Variants in CUX1 observed in about 807,000 individuals in gnomAD.
CUX1 encodes protein CASP.
CUX1 carries 31 observed loss-of-function variants against 158.8 expected under a neutral mutation model. The observed-to-expected ratio is 0.20, with a 90% CI of 0.15 to 0.26. CUX1 has a LOEUF of 0.26. CUX1 is among the 10% of genes least tolerant of loss of function. The pLI is 1.00. For missense variants in CUX1, 1,589 were observed against 2,014.6 expected (o/e 0.79, Z 4.04); for synonymous variants, 879 against 862.1 (o/e 1.02, Z -0.34).
intron 1 of CUX1, among the ~76,000 whole-genome samples, chr7:101,834,850 T>C (rs1043690437): frequency 2.6e-5 from 4 of 151,914 alleles, no homozygotes; most frequent in African/African-American, 9.7e-5. Context: ...AATACAAAAA[T>C]TAGCCAGGTG....
intron 20 of CUX1, among the ~76,000 whole-genome samples, chr7:102,206,492 T>G (rs1476051729): frequency 6.6e-6 from 1 of 152,216 alleles, no homozygotes; most frequent in African/African-American, 2.4e-5. Flanking sequence ...AAAGTTAGCC[T>G]TGACCCCCTG....
At chr7:101,865,436 C>A (rs1797846162) in intron 1 of CUX1, among the ~76,000 whole-genome samples, 1 of 152,192 alleles carries the variant, frequency 6.6e-6, no homozygotes, top group African/African-American at 2.4e-5. Context: ...TCATTTCTTT[C>A]AGCTGAAATT....
At chr7:101,956,435 T>A (rs536775456) in intron 2 of CUX1, among the ~76,000 whole-genome samples, 1 of 152,298 alleles carries the variant, frequency 6.6e-6, no homozygotes, top group African/African-American at 2.4e-5. Context: ...AAAGGATATG[T>A]AGTTCATGAC....
intron 1 of CUX1, among the ~76,000 whole-genome samples, chr7:101,867,331 G>T (rs570747022): frequency 1.3e-5 from 2 of 152,314 alleles, no homozygotes; most frequent in African/African-American, 2.4e-5. Flanking sequence ...ACACTCAAGG[G>T]TTTCGTAATG....
intron 3 of CUX1, among the ~76,000 whole-genome samples, chr7:102,051,654 C>CAAAAAAAAAA (rs1299911064): frequency 4.0e-4 from 36 of 89,700 alleles, no homozygotes; most frequent in African/African-American, 1.3e-3. Flanking sequence ...GACTCTGTCT[C>CAAAAAAAAAA]AAAAAAAAAA....
chr7:101,992,156 G>A (rs1450483036), intron 2 of CUX1, among the ~76,000 whole-genome samples: 3 of 152,200 alleles, frequency 2.0e-5, no homozygotes, highest in Non-Finnish European at 4.4e-5. Flanking sequence ...GGTAGAAAGA[G>A]GCTTGGAGGG....
At chr7:102,237,121 T>C (rs548823879) in intron 22 of CUX1, among the ~76,000 whole-genome samples, 5 of 152,348 alleles carry the variant, frequency 3.3e-5, no homozygotes, top group African/African-American at 1.2e-4. Flanking sequence ...ATCCAGCAGC[T>C]TTGACTCCGC....
chr7:102,083,290 A>T (rs1827639307), intron 4 of CUX1, among the ~76,000 whole-genome samples: 2 of 147,038 alleles, frequency 1.4e-5, no homozygotes, highest in African/African-American at 4.9e-5. Context: ...ATTTTTATTT[A>T]TAAAGGTTTC....
chr7:101,980,046 G>C (rs1813222323), intron 2 of CUX1, among the ~76,000 whole-genome samples: 1 of 152,192 alleles, frequency 6.6e-6, no homozygotes, highest in African/African-American at 2.4e-5. Context: ...AGAGTGCGGA[G>C]AGCGGGGCCC....
rs1793272686 is a variant in CUX1, at chr7:101,826,187, ATTTTTTTGTT to A, written c.30+8532_30+8541del. On this transcript the variant is annotated intron_variant, in intron 1 of 23. Coordinates refer to ENST00000292535, the MANE Select transcript of CUX1 (RefSeq NM_181552.4). Reference sequence around the variant, plus strand: ...ATCTGAGCTTCAAGCCTACTTCAGAATTTTTTTGTTTTTTTTTGTTTTTGATTTTTTGAGG... The same window carrying A: ...ATCTGAGCTTCAAGCCTACTTCAGAATTTTTTTGTTTTTGATTTTTTGAGG... Among the ~76,000 whole-genome samples, 3 of 151,610 alleles carry A rather than the reference ATTTTTTTGTT, an allele frequency of 2.0e-5. No homozygotes were observed. In the East Asian group the frequency reaches 5.8e-4, roughly 29 times the overall value.
At position 102,256,139 on chromosome 7, in the gene CUX1, G is replaced by GATA; in HGVS notation, c.*7097_*7098insATA. 1.0e-6 allele frequency: 1 copy of GATA among 985,400 alleles called. No individual in the cohort carries two copies. Among genetic ancestry groups the GATA allele is most frequent in the South Asian group, 4.7e-5 (1 of 21,284 alleles). The allele number at this position is 985,400 out of a possible 1,614,324, so 61.0% of individuals were successfully genotyped here. On this transcript the variant is annotated 3_prime_UTR_variant, in exon 24 of 24. Coordinates refer to ENST00000292535, the MANE Select transcript of CUX1 (RefSeq NM_181552.4). Reference sequence around the variant, plus strand: ...GGGCCCGCGGGCTCTGGCCGGAGCCGCTGGCCTGACGAGGCAGGATAGGGA... The same window carrying GATA: ...GGGCCCGCGGGCTCTGGCCGGAGCCGATACTGGCCTGACGAGGCAGGATAGGGA...
In CUX1 at chr7:101,916,266, A is replaced by C; in HGVS notation, c.141+41A>C. 7.8e-7 allele frequency: 1 copy of C among 1,283,978 alleles called. No individual in the cohort carries two copies. The highest frequency in any genetic ancestry group is 1.1e-6 in the Non-Finnish European group (1 of 879,870). The allele number at this position is 1,283,978 out of a possible 1,614,324, so 79.5% of individuals were successfully genotyped here. On this transcript the variant is annotated intron_variant, in intron 2 of 23. Coordinates refer to ENST00000292535, the MANE Select transcript of CUX1 (RefSeq NM_181552.4). The surrounding 1 kb of genome is among the most constrained non-coding windows in gnomAD (Gnocchi z 4.4). Reference sequence around the variant, plus strand: ...ATCGTGTTCGCTTTGAAGGGATCTTAGAATGCTGGTGCATGTTCAGGCGAC... The same window carrying C: ...ATCGTGTTCGCTTTGAAGGGATCTTCGAATGCTGGTGCATGTTCAGGCGAC...
At chr7:102,168,923 CTTTTCTTTTA>C (rs1222887947) in intron 9 of CUX1, among the ~76,000 whole-genome samples, 15 of 45,046 alleles carry the variant, frequency 3.3e-4, no homozygotes, top group Admixed American at 1.5e-3. Context: ...ATTTTCTTTT[CTTTTCTTTTA>C]TTTTCTTTTT....
chr7:101,882,502 A>T (rs1393544875), intron 1 of CUX1, among the ~76,000 whole-genome samples: 1 of 152,164 alleles, frequency 6.6e-6, no homozygotes. Flanking sequence ...AGAAAAAAAG[A>T]CCACTCTAAA....
chr7:101,887,474 T>C (rs1169975998), intron 1 of CUX1, among the ~76,000 whole-genome samples: 1 of 151,950 alleles, frequency 6.6e-6, no homozygotes, highest in African/African-American at 2.4e-5. Context: ...GCCTGGATAA[T>C]TTTTATTTTA....
intron 1 of CUX1, among the ~76,000 whole-genome samples, chr7:101,836,596 C>T (rs1283372048): frequency 6.9e-6 from 1 of 145,970 alleles, no homozygotes; most frequent in Non-Finnish European, 1.5e-5. Flanking sequence ...AATCCCAACA[C>T]TTTGGGAGGC....
intron 3 of CUX1, among the ~76,000 whole-genome samples, chr7:102,040,504 GC>G (rs1203470712): frequency 6.6e-6 from 1 of 152,144 alleles, no homozygotes; most frequent in Non-Finnish European, 1.5e-5. Flanking sequence ...TTTGAACTAG[GC>G]CCTTTCAAAG....
At chr7:101,853,632 G>C (rs1024603253) in intron 1 of CUX1, among the ~76,000 whole-genome samples, 2 of 141,730 alleles carry the variant, frequency 1.4e-5, no homozygotes, top group Non-Finnish European at 3.0e-5. Flanking sequence ...TCGGGGTAAA[G>C]AGCAGTTTTG....
intron 1 of CUX1, among the ~76,000 whole-genome samples, chr7:101,862,899 AT>A (rs11306288): frequency 0.42 from 62,661 of 149,030 alleles, 13,912 homozygotes; most frequent in East Asian, 0.87. Flanking sequence ...CATTTCATGT[AT>A]TTTTTTTTTT....
Sources: gnomAD v4.1 joint callset for allele counts (sites outside exome capture counted in the v4.1 genomes callset) on GRCh38, gnomAD v4.1.1 for gene constraint, Gnocchi (gnomAD v3.1) non-coding constraint, MANE v1.5 for transcripts, NCBI Gene and HGNC (gene_info 2026-07-23, HGNC 2026-07-21) for gene names.